The following ZNF804A variants were observed in gnomAD, a reference collection of about 807,000 sequenced individuals.
The protein encoded by ZNF804A is zinc finger protein 804A.
In ZNF804A, 2 loss-of-function variants were observed where a neutral mutation model predicts 16.5. The observed-to-expected ratio is 0.12, with a 90% CI of 0.05 to 0.38. ZNF804A has a LOEUF of 0.38. Ranked by LOEUF, ZNF804A falls within the 10% of genes least tolerant of loss-of-function variation. The pLI, the probability that ZNF804A is intolerant of heterozygous loss-of-function variation, is 0.99. For missense variants in ZNF804A, 1,473 were observed against 1,390.7 expected (o/e 1.06, Z -0.94); for synonymous variants, 534 against 489.6 (o/e 1.09, Z -1.20).
chr2:184,715,660 C>G (rs186863380), intron 1 of ZNF804A, among the ~76,000 whole-genome samples: 1 of 152,244 alleles, frequency 6.6e-6, no homozygotes, highest in Non-Finnish European at 1.5e-5. Flanking sequence ...CCCAACCTCC[C>G]AAAGTGCTGA....
At chr2:184,760,184 T>C (rs1645087124) in intron 1 of ZNF804A, among the ~76,000 whole-genome samples, 1 of 152,146 alleles carries the variant, frequency 6.6e-6, no homozygotes, top group Non-Finnish European at 1.5e-5. Context: ...TCACAGGGGA[T>C]ACAATTGCTT....
At position 184,936,584 on chromosome 2, in the gene ZNF804A, C is replaced by G. The variant is rs34345078; in HGVS notation, c.1188C>G (p.Pro396=). Reference sequence around the variant, plus strand: ...CTGAGGTTGAAAATAAAAATGGTCCCGAGACATTGGCCCCTTCAAATACTG... The same window carrying G: ...CTGAGGTTGAAAATAAAAATGGTCCGGAGACATTGGCCCCTTCAAATACTG... The part of the protein sequence containing the change: ...STTEVENKNG[P]ETLAPSNTEE... The change falls in exon 4 of 4, where the codon CCC becomes CCG. Residue 396 remains proline, a synonymous_variant. Transcript: ENST00000302277. The G allele has an allele frequency of 1.2e-5, 19 of 1,613,724 alleles. No homozygotes were observed. The South Asian group carries it at 1.5e-4, about 13-fold the overall frequency.
At chr2:184,895,114 G>A (rs1685045603) in intron 2 of ZNF804A, among the ~76,000 whole-genome samples, 1 of 151,908 alleles carries the variant, frequency 6.6e-6, no homozygotes, top group Non-Finnish European at 1.5e-5. Flanking sequence ...CCTAGAATTT[G>A]AGTTCCATCT....
intron 1 of ZNF804A, among the ~76,000 whole-genome samples, chr2:184,627,083 A>C (rs886686145): frequency 6.6e-6 from 1 of 152,222 alleles, no homozygotes; most frequent in African/African-American, 2.4e-5. Flanking sequence ...GTGAAACAAA[A>C]TACATGTATT....
At chr2:184,852,227 CTT>C (rs376901617) in intron 1 of ZNF804A, among the ~76,000 whole-genome samples, 75 of 98,606 alleles carry the variant, frequency 7.6e-4, no homozygotes, top group Non-Finnish European at 1.0e-3. Flanking sequence ...AATGCGGTCT[CTT>C]TCTCTCTCTC....
chr2:184,895,403 C>T lies in ZNF804A; in HGVS notation c.255+28891C>T, dbSNP rs1019830491. Among the ~76,000 whole-genome samples, 28 of 152,190 alleles carry T rather than the reference C, an allele frequency of 1.8e-4. No individual in the cohort carries two copies. In the South Asian group the frequency reaches 5.6e-3, roughly 30 times the overall value. ...TTTAAGATGGAATTATTGTTATGAA[C>T]AAAGTCAGCTCATGCTCTCTGATAT... On this transcript the variant is annotated intron_variant, in intron 2 of 3. Coordinates refer to ENST00000302277, the MANE Select transcript of ZNF804A (RefSeq NM_194250.2).
At chr2:184,819,544 G>A (rs553229924) in intron 1 of ZNF804A, among the ~76,000 whole-genome samples, 1 of 151,850 alleles carries the variant, frequency 6.6e-6, no homozygotes, top group African/African-American at 2.4e-5. Context: ...CCAAAATCTA[G>A]CAGAAGACAA....
chr2:184,829,911 A>C (rs1490688259), intron 1 of ZNF804A, among the ~76,000 whole-genome samples: 5 of 112,492 alleles, frequency 4.4e-5, no homozygotes, highest in Non-Finnish European at 8.3e-5. Flanking sequence ...AAAAAAAAAA[A>C]AAAAAAAAAA....
intron 1 of ZNF804A, among the ~76,000 whole-genome samples, chr2:184,639,200 A>G (rs924265927): frequency 2.0e-5 from 3 of 151,164 alleles, no homozygotes; most frequent in African/African-American, 7.3e-5. Flanking sequence ...CAGCCTCCCA[A>G]GTACCTGGGA....
chr2:184,697,602 T>C (rs569122769), intron 1 of ZNF804A, among the ~76,000 whole-genome samples: 2 of 152,160 alleles, frequency 1.3e-5, no homozygotes, highest in South Asian at 2.1e-4. Flanking sequence ...GTTATGAAGA[T>C]TGAAAAAGCA....
intron 1 of ZNF804A, among the ~76,000 whole-genome samples, chr2:184,777,381 A>T (rs1480494219): frequency 6.6e-6 from 1 of 151,662 alleles, no homozygotes; most frequent in African/African-American, 2.4e-5. Context: ...ACCAGGCTTT[A>T]AATATGTTTT....
rs1303594127 is a variant in ZNF804A, at chr2:184,855,642, A to G, written c.112-10727A>G. On this transcript the variant is annotated intron_variant, in intron 1 of 3. Coordinates refer to ENST00000302277, the MANE Select transcript of ZNF804A (RefSeq NM_194250.2). ...CACACACACACACACACACACATATAAAGCACTTTCTTGAACAACACACTA... is the reference window on the plus strand; with the variant it reads ...CACACACACACACACACACACATATGAAGCACTTTCTTGAACAACACACTA... Among the ~76,000 whole-genome samples, 3 of 152,024 alleles carry G rather than the reference A, an allele frequency of 2.0e-5. No individual in the cohort carries two copies. In the East Asian group the frequency reaches 5.8e-4, roughly 29 times the overall value.
intron 1 of ZNF804A, among the ~76,000 whole-genome samples, chr2:184,691,751 C>T (rs557161185): frequency 1.6e-4 from 24 of 151,626 alleles, no homozygotes; most frequent in Non-Finnish European, 2.8e-4. Flanking sequence ...CTTTCTAGTA[C>T]GAATTCGTTG....
In ZNF804A at chr2:184,634,094, A is replaced by G. The variant is rs989457018; in HGVS notation, c.111+35024A>G. On this transcript the variant is annotated intron_variant, in intron 1 of 3. Transcript: ENST00000302277. ...TTGAAGTTATAAAACTGATATTCCC[A>G]GGTTCACAAATTATTCAATATATCA... Among the ~76,000 whole-genome samples, 2 of 152,184 alleles carry G rather than the reference A, an allele frequency of 1.3e-5. 1 individual carries two copies. Among genetic ancestry groups the G allele is most frequent in the Admixed American group, 1.3e-4 (2 of 15,272 alleles).
chr2:184,857,032 C>A (rs1289993399), intron 1 of ZNF804A, among the ~76,000 whole-genome samples: 1 of 151,916 alleles, frequency 6.6e-6, no homozygotes, highest in Non-Finnish European at 1.5e-5. Flanking sequence ...GCTTGATCTT[C>A]TTTTTCTAGT....
At chr2:184,624,594 C>A (rs896796736) in intron 1 of ZNF804A, among the ~76,000 whole-genome samples, 1 of 152,080 alleles carries the variant, frequency 6.6e-6, no homozygotes, top group African/African-American at 2.4e-5. Flanking sequence ...TTATTCATAA[C>A]AGAGGTTCCA....
intron 1 of ZNF804A, among the ~76,000 whole-genome samples, chr2:184,798,299 G>A (rs1694670196): frequency 6.6e-6 from 1 of 151,748 alleles, no homozygotes; most frequent in Non-Finnish European, 1.5e-5. Flanking sequence ...AGCAAGGCCA[G>A]GGATATTTTC....
intron 1 of ZNF804A, among the ~76,000 whole-genome samples, chr2:184,654,036 G>T (rs922194401): frequency 1.3e-5 from 2 of 152,206 alleles, no homozygotes; most frequent in Non-Finnish European, 2.9e-5. Context: ...ATAACTGCCA[G>T]ACCATCACCT....
rs1016008396 is a variant in ZNF804A, at chr2:184,936,487, A to T, written c.1091A>T (p.Asp364Val). 2.5e-6 allele frequency: 4 copies of T among 1,613,914 alleles called. No homozygotes were observed. The highest frequency in any genetic ancestry group is 2.2e-5 in the East Asian group (1 of 44,814). ...ELLGNKSTVL[D>V]MSNDCISVQA... ...TTAGGAAATAAATCCACAGTTCTTGACATGTCTAATGATTGCATATCTGTG... is the reference window on the plus strand; with the variant it reads ...TTAGGAAATAAATCCACAGTTCTTGTCATGTCTAATGATTGCATATCTGTG... The change falls in exon 4 of 4, where the codon GAC (aspartate) becomes GTC (valine). Residue 364 changes from aspartate to valine, a missense_variant. Asp to Val is a radical substitution (Grantham distance 152, BLOSUM62 -3). Coordinates refer to ENST00000302277, the MANE Select transcript of ZNF804A (RefSeq NM_194250.2).
Sources: gnomAD v4.1 joint callset for allele counts (sites outside exome capture counted in the v4.1 genomes callset) on GRCh38, gnomAD v4.1.1 for gene constraint, MANE v1.5 for transcripts, NCBI Gene and HGNC (gene_info 2026-07-23, HGNC 2026-07-21) for gene names.